LRP1B: variants seen among roughly 807,000 people sequenced by gnomAD.
LRP1B encodes low-density lipoprotein receptor-related protein 1B.
LRP1B carries 217 observed loss-of-function variants against 556.6 expected under a neutral mutation model. The observed-to-expected ratio is 0.39, with a 90% confidence interval of 0.35 to 0.44. The LOEUF is 0.44. Among genes scored for constraint, LRP1B ranks in the 20% least tolerant of loss-of-function variants. The pLI, the probability that LRP1B is intolerant of heterozygous loss-of-function variation, is 1.00. For missense variants in LRP1B, 5,053 were observed against 5,620.8 expected (o/e 0.90, Z 3.23); for synonymous variants, 2,047 against 1,865.8 (o/e 1.10, Z -2.50).
intron 2 of LRP1B, among the ~76,000 whole-genome samples, chr2:141,558,546 G>A (rs10168763): frequency 0.23 from 35,193 of 151,506 alleles, 4,203 homozygotes; most frequent in South Asian, 0.41. Flanking sequence ...TATGTCTTGG[G>A]TAGCCCTACA....
chr2:141,438,003 T>G (rs1680826364), intron 3 of LRP1B, among the ~76,000 whole-genome samples: 1 of 152,122 alleles, frequency 6.6e-6, no homozygotes, highest in South Asian at 2.1e-4. Flanking sequence ...ATGGGGATTC[T>G]GGGTAGCAGG....
In LRP1B at chr2:140,499,863, T is replaced by C. The variant is rs1194397615; in HGVS notation, c.8850+1824A>G. Reference sequence around the variant, plus strand: ...TCATTATGTGGTACATAACTGTATATATGATAGAACTAAATAATTATTTGT... The same window carrying C: ...TCATTATGTGGTACATAACTGTATACATGATAGAACTAAATAATTATTTGT... On this transcript the variant is annotated intron_variant, in intron 55 of 90. Coordinates refer to ENST00000389484, the MANE Select transcript of LRP1B (RefSeq NM_018557.3). Among the ~76,000 whole-genome samples the C allele has an allele frequency of 3.9e-5, 6 of 152,120 alleles. No individual in the cohort carries two copies. In the South Asian group the frequency reaches 1.2e-3, roughly 31 times the overall value.
intron 2 of LRP1B, among the ~76,000 whole-genome samples, chr2:141,599,199 G>A (rs1429817428): frequency 1.3e-5 from 2 of 151,484 alleles, no homozygotes; most frequent in Non-Finnish European, 2.9e-5. Flanking sequence ...TTTGTTCATA[G>A]CTACTGTGTT....
chr2:141,061,942 A>T (rs1488452196), intron 8 of LRP1B, 109 bp downstream of exon 8: 14 of 794,008 alleles, frequency 1.8e-5, no homozygotes, highest in Non-Finnish European at 2.8e-5. Flanking sequence ...TGTAATTTTT[A>T]TGACTCATTG....
chr2:140,731,024 G>T (rs542728481), intron 35 of LRP1B, among the ~76,000 whole-genome samples: 1 of 152,124 alleles, frequency 6.6e-6, no homozygotes, highest in East Asian at 1.9e-4. Flanking sequence ...TAGTACACAC[G>T]CAACATGTCA....
intron 3 of LRP1B, among the ~76,000 whole-genome samples, chr2:141,369,672 T>A (rs531141423): frequency 6.6e-6 from 1 of 152,320 alleles, no homozygotes; most frequent in Admixed American, 6.5e-5. Flanking sequence ...TCAAAATATT[T>A]GTATATATTC....
intron 6 of LRP1B, among the ~76,000 whole-genome samples, chr2:141,210,215 C>G (rs1682481505): frequency 6.7e-6 from 1 of 149,060 alleles, no homozygotes; most frequent in Non-Finnish European, 1.5e-5. Flanking sequence ...AACATCGCTA[C>G]AAGATTAAAA....
intron 32 of LRP1B, among the ~76,000 whole-genome samples, chr2:140,808,583 A>G (rs975524007): frequency 1.3e-5 from 2 of 152,076 alleles, no homozygotes; most frequent in Non-Finnish European, 2.9e-5. Context: ...TTCAACTATC[A>G]TACTATACGT....
chr2:141,672,568 T>C (rs1273111336), intron 2 of LRP1B, among the ~76,000 whole-genome samples: 1 of 152,212 alleles, frequency 6.6e-6, no homozygotes, highest in Non-Finnish European at 1.5e-5. Context: ...CCTAGATTTA[T>C]GTAATCTGGT....
intron 2 of LRP1B, among the ~76,000 whole-genome samples, chr2:141,491,246 C>T (rs1028517244): frequency 1.3e-5 from 2 of 152,060 alleles, no homozygotes; most frequent in African/African-American, 4.8e-5. Context: ...AGAAGATGCT[C>T]TTCAATTTTC....
intron 18 of LRP1B, among the ~76,000 whole-genome samples, chr2:140,953,954 C>T (rs908038103): frequency 3.9e-5 from 6 of 152,120 alleles, no homozygotes; most frequent in Admixed American, 2.0e-4. Context: ...GTACCTAAAC[C>T]GTTATTTTAA....
chr2:142,086,976 T>C (rs1705963349), intron 1 of LRP1B, among the ~76,000 whole-genome samples: 1 of 152,170 alleles, frequency 6.6e-6, no homozygotes, highest in Non-Finnish European at 1.5e-5. Flanking sequence ...CCTAATCTGA[T>C]TAATTTGTCC....
At chr2:140,572,861 A>G (rs1205487792) in intron 43 of LRP1B, among the ~76,000 whole-genome samples, 1 of 150,648 alleles carries the variant, frequency 6.6e-6, no homozygotes, top group African/African-American at 2.4e-5. Context: ...TCATGGCAAC[A>G]TGGAAGTTTG....
chr2:141,474,000 A>ATTCCTTCCTTCC (rs70994427), intron 3 of LRP1B, among the ~76,000 whole-genome samples: 1,820 of 130,488 alleles, frequency 0.014, 27 homozygotes, highest in African/African-American at 0.024. Flanking sequence ...GCTTTACTAA[A>ATTCCTTCCTTCC]TTCCTTCCTT....
intron 1 of LRP1B, among the ~76,000 whole-genome samples, chr2:142,071,624 T>C (rs772721814): frequency 1.3e-5 from 2 of 152,036 alleles, no homozygotes; most frequent in Non-Finnish European, 2.9e-5. Context: ...GCTGCTTTAG[T>C]GTCCCAACAG....
intron 52 of LRP1B, among the ~76,000 whole-genome samples, chr2:140,509,240 A>G (rs992613217): frequency 3.3e-5 from 5 of 152,082 alleles, no homozygotes; most frequent in African/African-American, 9.7e-5. Flanking sequence ...GCTCAGCCCA[A>G]AGGATCCCCT....
intron 3 of LRP1B, among the ~76,000 whole-genome samples, chr2:141,335,614 G>C (rs1473590273): frequency 1.3e-5 from 2 of 152,036 alleles, no homozygotes; most frequent in Non-Finnish European, 2.9e-5. Context: ...AAATCCACTA[G>C]AGACAGTGAA....
intron 35 of LRP1B, among the ~76,000 whole-genome samples, chr2:140,761,975 T>C (rs1312475099): frequency 1.4e-5 from 1 of 71,846 alleles, no homozygotes; most frequent in Non-Finnish European, 3.0e-5. Context: ...ATGATAACTA[T>C]GATGATGATG....
intron 3 of LRP1B, among the ~76,000 whole-genome samples, chr2:141,450,327 G>T (rs942167989): frequency 1.3e-5 from 2 of 152,088 alleles, no homozygotes; most frequent in Non-Finnish European, 2.9e-5. Context: ...TCCAGCATAT[G>T]CCAGCTTTGC....
Sources: gnomAD v4.1 joint callset for allele counts (sites outside exome capture counted in the v4.1 genomes callset) on GRCh38, gnomAD v4.1.1 for gene constraint, MANE v1.5 for transcripts, NCBI Gene and HGNC (gene_info 2026-07-23, HGNC 2026-07-21) for gene names.